Variants in ZNF423 observed in about 807,000 individuals in gnomAD.
ZNF423 encodes the protein zinc finger protein 423.
ZNF423 carries 12 observed loss-of-function variants against 95.8 expected under a neutral mutation model. The observed-to-expected ratio is 0.13, with a 90% CI of 0.08 to 0.20. The LOEUF (loss-of-function observed/expected upper bound fraction) is 0.20. Among genes scored for constraint, ZNF423 ranks in the 10% least tolerant of loss-of-function variants. The pLI is 1.00. For missense variants in ZNF423, 1,316 were observed against 1,737.1 expected (o/e 0.76, Z 4.31); for synonymous variants, 749 against 711.9 (o/e 1.05, Z -0.83).
At chr16:49,514,740 G>A (rs1330150557) in intron 7 of ZNF423, among the ~76,000 whole-genome samples, 1 of 152,234 alleles carries the variant, frequency 6.6e-6, no homozygotes, top group Admixed American at 6.5e-5. Flanking sequence ...GCTCAACGCT[G>A]GGCTGGCCGC....
intron 5 of ZNF423, among the ~76,000 whole-genome samples, chr16:49,527,709 G>C (rs1287037832): frequency 6.6e-6 from 1 of 152,156 alleles, no homozygotes; most frequent in East Asian, 1.9e-4. Flanking sequence ...CTGCATTTCT[G>C]GGAAGAAGAA....
At chr16:49,668,269 G>A (rs2030637209) in intron 3 of ZNF423, among the ~76,000 whole-genome samples, 1 of 152,126 alleles carries the variant, frequency 6.6e-6, no homozygotes, top group Non-Finnish European at 1.5e-5. Flanking sequence ...TGTAAAATGG[G>A]AAAACATTTT....
intron 5 of ZNF423, among the ~76,000 whole-genome samples, chr16:49,581,370 A>C (rs1970670580): frequency 6.6e-6 from 1 of 152,252 alleles, no homozygotes; most frequent in African/African-American, 2.4e-5. Context: ...TCATTATAAT[A>C]CTTAAAATAA....
chr16:49,742,329 G>A (rs937397192), intron 2 of ZNF423, among the ~76,000 whole-genome samples: 1 of 152,164 alleles, frequency 6.6e-6, no homozygotes, highest in Non-Finnish European at 1.5e-5. Context: ...GAAGGCAGAT[G>A]AGAGGGAGGG....
chr16:49,687,385 C>A (rs1319765207), intron 3 of ZNF423, among the ~76,000 whole-genome samples: 1 of 152,184 alleles, frequency 6.6e-6, no homozygotes, highest in Non-Finnish European at 1.5e-5. Flanking sequence ...TACCCCTGGG[C>A]TAGCACTGCA....
chr16:49,652,673 G>C (rs35857828), intron 3 of ZNF423, among the ~76,000 whole-genome samples: 1 of 152,174 alleles, frequency 6.6e-6, no homozygotes, highest in South Asian at 2.1e-4. Context: ...CTCCACTCGA[G>C]TGAAAGCAAA....
At chr16:49,557,267 C>T (rs1464720542) in intron 5 of ZNF423, among the ~76,000 whole-genome samples, 1 of 152,248 alleles carries the variant, frequency 6.6e-6, no homozygotes, top group Admixed American at 6.5e-5. Context: ...TAAATTCTGC[C>T]TAATCCCTTC....
At chr16:49,560,175 C>G (rs958142111) in intron 5 of ZNF423, among the ~76,000 whole-genome samples, 2 of 152,176 alleles carry the variant, frequency 1.3e-5, no homozygotes, top group South Asian at 2.1e-4. Context: ...ACGGCAGTGA[C>G]GACAGCTGTC....
intron 4 of ZNF423, among the ~76,000 whole-genome samples, chr16:49,634,343 C>T (rs562262262): frequency 2.0e-5 from 3 of 152,100 alleles, no homozygotes; most frequent in African/African-American, 4.8e-5. Context: ...AGCCACAGCA[C>T]CCGGCCTCGC....
chr16:49,738,117 T>C (rs2033331818), intron 2 of ZNF423, among the ~76,000 whole-genome samples: 1 of 152,212 alleles, frequency 6.6e-6, no homozygotes, highest in Non-Finnish European at 1.5e-5. Context: ...CTTCATTCTT[T>C]CCACAAATAC....
intron 3 of ZNF423, among the ~76,000 whole-genome samples, chr16:49,642,965 C>A (rs1206955063): frequency 1.3e-5 from 2 of 151,888 alleles, no homozygotes; most frequent in Non-Finnish European, 2.9e-5. Flanking sequence ...GGATTACAGG[C>A]ACATGTCACC....
intron 3 of ZNF423, among the ~76,000 whole-genome samples, chr16:49,708,684 A>G (rs2032440665): frequency 6.6e-6 from 1 of 152,160 alleles, no homozygotes; most frequent in Non-Finnish European, 1.5e-5. Context: ...AACACGTGCT[A>G]CCCGCACAGC....
intron 2 of ZNF423, among the ~76,000 whole-genome samples, chr16:49,767,578 T>C (rs547327288): frequency 1.1e-4 from 16 of 152,114 alleles, no homozygotes; most frequent in Admixed American, 1.0e-3. Context: ...CATCCACAAC[T>C]GATAAAAAAG....
At chr16:49,529,074 G>A (rs535864781) in intron 5 of ZNF423, among the ~76,000 whole-genome samples, 1 of 151,760 alleles carries the variant, frequency 6.6e-6, no homozygotes, top group Non-Finnish European at 1.5e-5. Flanking sequence ...CCCAGCGTGG[G>A]GACTGGAGGA....
intron 5 of ZNF423, among the ~76,000 whole-genome samples, chr16:49,549,153 C>A (rs1439127876): frequency 6.6e-6 from 1 of 152,196 alleles, no homozygotes; most frequent in African/African-American, 2.4e-5. Context: ...GATCACAGAT[C>A]TGCATGTGAG....
chr16:49,590,920 A>G (rs1019573979), intron 5 of ZNF423, among the ~76,000 whole-genome samples: 6 of 152,194 alleles, frequency 3.9e-5, no homozygotes, highest in African/African-American at 1.4e-4. Flanking sequence ...GATGATGTTC[A>G]ATAGAGAGTT....
intron 3 of ZNF423, among the ~76,000 whole-genome samples, chr16:49,671,753 G>A (rs759887299): frequency 3.3e-5 from 5 of 151,974 alleles, no homozygotes; most frequent in South Asian, 2.1e-4. Context: ...GTGCGATCTC[G>A]GCTCATTAGC....
intron 2 of ZNF423, among the ~76,000 whole-genome samples, chr16:49,766,354 G>A (rs1861330): frequency 0.51 from 77,661 of 152,022 alleles, 20,184 homozygotes; most frequent in African/African-American, 0.6. Flanking sequence ...TGACAGGAAG[G>A]CTCCTCTCCC....
intron 5 of ZNF423, among the ~76,000 whole-genome samples, chr16:49,592,211 G>A (rs1971030918): frequency 6.6e-6 from 1 of 152,202 alleles, no homozygotes; most frequent in South Asian, 2.1e-4. Flanking sequence ...AATTGGGAAA[G>A]GTAAACATCA....
Sources: allele counts gnomAD v4.1 joint callset (sites outside exome capture counted in the v4.1 genomes callset), GRCh38; gene constraint gnomAD v4.1.1; transcripts MANE v1.5; gene names NCBI Gene and HGNC (gene_info 2026-07-23, HGNC 2026-07-21).